The following PIGN variants were observed in gnomAD, a reference collection of about 807,000 sequenced individuals.
PIGN encodes the protein phosphatidylinositol glycan anchor biosynthesis class N.
PIGN carries 117 observed loss-of-function variants against 125.4 expected under a neutral mutation model. The observed-to-expected ratio is 0.93, with a 90% confidence interval of 0.80 to 1.09. The LOEUF (loss-of-function observed/expected upper bound fraction) is 1.09. Ranked by LOEUF, PIGN falls within the 50% of genes least tolerant of loss-of-function variation. The pLI is 0.00. For missense variants in PIGN, 1,075 were observed against 1,094.9 expected (o/e 0.98, Z 0.26); for synonymous variants, 392 against 377.8 (o/e 1.04, Z -0.44).
At chr18:62,131,122 T>C (rs898677097) in intron 14 of PIGN, among the ~76,000 whole-genome samples, 1 of 152,124 alleles carries the variant, frequency 6.6e-6, no homozygotes, top group Non-Finnish European at 1.5e-5. Context: ...AAGTTGGGTC[T>C]AAGGGAAGGG....
At chr18:62,121,341 T>TA (rs971950428) in intron 14 of PIGN, among the ~76,000 whole-genome samples, 1 of 152,064 alleles carries the variant, frequency 6.6e-6, no homozygotes, top group African/African-American at 2.4e-5. Flanking sequence ...ACCACAGAGG[T>TA]AAAAAAATTC....
At chr18:62,172,125 T>A (rs2037364144) in intron 1 of PIGN, among the ~76,000 whole-genome samples, 2 of 152,130 alleles carry the variant, frequency 1.3e-5, no homozygotes, top group Middle Eastern at 3.2e-3. Flanking sequence ...TGTCTTCACA[T>A]ATATAGATAC....
At chr18:62,108,867 C>T (rs533088390) in intron 17 of PIGN, among the ~76,000 whole-genome samples, 10 of 152,180 alleles carry the variant, frequency 6.6e-5, no homozygotes, top group Non-Finnish European at 1.3e-4. Flanking sequence ...GGATTACAGG[C>T]GTGAGCCCTT....
intron 14 of PIGN, chr18:62,123,619 C>T (rs1211862328): frequency 6.6e-6 from 1 of 152,104 alleles, no homozygotes; most frequent in Non-Finnish European, 1.5e-5. Context: ...ATATCCAATT[C>T]ATTTCACCTT....
At chr18:62,071,863 CATATAT>C (rs61508545) in intron 30 of PIGN, among the ~76,000 whole-genome samples, 4,760 of 77,060 alleles carry the variant, frequency 0.062, 113 homozygotes, top group Non-Finnish European at 0.08. Context: ...ACTCCTTTTC[CATATAT>C]ATATATATAT....
chr18:62,064,654 A>G (rs553138652), intron 30 of PIGN, among the ~76,000 whole-genome samples: 5 of 152,378 alleles, frequency 3.3e-5, no homozygotes, highest in African/African-American at 4.8e-5. Flanking sequence ...ATGAGATAAC[A>G]TAAGTACAAT....
intron 14 of PIGN, among the ~76,000 whole-genome samples, chr18:62,128,408 G>C (rs2035614250): frequency 2.0e-5 from 3 of 152,106 alleles, no homozygotes; most frequent in Admixed American, 1.3e-4. Context: ...TAAATGATCA[G>C]ACCACAGAGC....
intron 6 of PIGN, among the ~76,000 whole-genome samples, chr18:62,156,805 AAT>A (rs1323451358): frequency 6.6e-6 from 1 of 152,192 alleles, no homozygotes; most frequent in Non-Finnish European, 1.5e-5. Flanking sequence ...GACAGAAACT[AAT>A]ATTATCACAT....
At chr18:62,084,262 C>G (rs2033584326) in intron 27 of PIGN, among the ~76,000 whole-genome samples, 1 of 152,176 alleles carries the variant, frequency 6.6e-6, no homozygotes, top group African/African-American at 2.4e-5. Context: ...CAGTTTGATC[C>G]ATAGCTTCCC....
intron 1 of PIGN, among the ~76,000 whole-genome samples, chr18:62,173,570 C>G (rs949491835): frequency 2.0e-5 from 3 of 152,126 alleles, no homozygotes; most frequent in African/African-American, 7.2e-5. Context: ...AGATCATGTC[C>G]TTAGCGGATT....
At chr18:62,086,345 G>A (rs1481365782) in intron 25 of PIGN, among the ~76,000 whole-genome samples, 2 of 152,222 alleles carry the variant, frequency 1.3e-5, no homozygotes, top group Admixed American at 6.5e-5. Flanking sequence ...TGGGCCGGGT[G>A]TAGTGGCTCA....
Position 62,084,566 on chromosome 18 carries a change from T to G in PIGN, c.2467A>C (p.Ser823Arg). The stretch of plus-strand genomic sequence containing the variant: ...ATCAGGGCTCCCATCATAAAAGGAC[T>G]GAACACAGTCAGAAAGCAATAGACA... ...ASVYCFLTVF[S>R]PFMMGALMMW... is the part of the protein sequence containing the mutation. The change falls in exon 27 of 31, where the codon AGT becomes CGT. Residue 823 changes from serine to arginine, a missense_variant. Coordinates refer to ENST00000640252, the MANE Select transcript of PIGN (RefSeq NM_176787.5). 6.4e-7 allele frequency: 1 copy of G among 1,560,454 alleles called. No homozygotes were observed.
At chr18:62,089,647 C>T (rs1225905471) in intron 24 of PIGN, among the ~76,000 whole-genome samples, 2 of 152,048 alleles carry the variant, frequency 1.3e-5, no homozygotes, top group African/African-American at 4.8e-5. Flanking sequence ...TATTCAAGGA[C>T]TAAAAGTTTA....
At chr18:62,160,942 A>G (rs2036929653) in intron 4 of PIGN, among the ~76,000 whole-genome samples, 191 bp downstream of exon 4, 1 of 152,226 alleles carries the variant, frequency 6.6e-6, no homozygotes, top group Non-Finnish European at 1.5e-5. Context: ...AATACCAGAA[A>G]TAACACCTAG....
intron 1 of PIGN, among the ~76,000 whole-genome samples, chr18:62,182,997 G>A (rs2037770173): frequency 6.6e-6 from 1 of 152,198 alleles, no homozygotes; most frequent in Non-Finnish European, 1.5e-5. Context: ...ATTAGAGTTA[G>A]ATAGAAGGAA....
At chr18:62,128,910 G>C (rs2035631490) in intron 14 of PIGN, among the ~76,000 whole-genome samples, 2 of 151,970 alleles carry the variant, frequency 1.3e-5, no homozygotes, top group Admixed American at 1.3e-4. Flanking sequence ...TCATCATAAA[G>C]AAATATTAAA....
intron 30 of PIGN, among the ~76,000 whole-genome samples, chr18:62,066,367 A>G (rs2032521737): frequency 6.6e-6 from 1 of 152,220 alleles, no homozygotes; most frequent in South Asian, 2.1e-4. Flanking sequence ...CCTCATCTGT[A>G]AAATGGAGAT....
chr18:62,118,025 A>G (rs1050286985), intron 14 of PIGN, among the ~76,000 whole-genome samples: 1 of 152,170 alleles, frequency 6.6e-6, no homozygotes, highest in African/African-American at 2.4e-5. Context: ...TACTGCAAGT[A>G]GTACTGCAAT....
intron 1 of PIGN, among the ~76,000 whole-genome samples, chr18:62,178,116 G>A (rs530050618): frequency 6.6e-6 from 1 of 152,202 alleles, no homozygotes; most frequent in South Asian, 2.1e-4. Flanking sequence ...AGTATTTTAA[G>A]AACAAAGTCC....
Sources: gnomAD v4.1 joint callset for allele counts (sites outside exome capture counted in the v4.1 genomes callset) on GRCh38, gnomAD v4.1.1 for gene constraint, MANE v1.5 for transcripts, NCBI Gene and HGNC (gene_info 2026-07-23, HGNC 2026-07-21) for gene names.